Variants in NAV3 observed in about 807,000 individuals in gnomAD.
NAV3 encodes the protein neuron navigator 3.
Under a neutral mutation model 244.7 loss-of-function variants are expected in NAV3, and 87 were observed. The observed-to-expected ratio is 0.36, with a 90% CI of 0.30 to 0.42. NAV3 has a LOEUF of 0.42. Among genes scored for constraint, NAV3 ranks in the 20% least tolerant of loss-of-function variants. The pLI is 1.00. For synonymous variants in NAV3, 1,126 were observed against 1,042.2 expected (o/e 1.08, Z -1.55); for missense variants, 2,663 against 2,893.3 (o/e 0.92, Z 1.83).
chr12:78,140,683 G>C (rs1956570660), intron 20 of NAV3, among the ~76,000 whole-genome samples: 2 of 151,972 alleles, frequency 1.3e-5, no homozygotes, highest in Non-Finnish European at 2.9e-5. Flanking sequence ...AGTTGTCCAT[G>C]TTTTGTTCTT....
intron 23 of NAV3, among the ~76,000 whole-genome samples, chr12:78,165,432 A>G (rs1191216638): frequency 6.6e-6 from 1 of 151,944 alleles, no homozygotes; most frequent in African/African-American, 2.4e-5. Flanking sequence ...TTTTTTCTAA[A>G]TGATTAATGA....
At chr12:77,892,170 TATTA>T (rs1884013502) in intron 1 of NAV3, among the ~76,000 whole-genome samples, 1 of 152,208 alleles carries the variant, frequency 6.6e-6, no homozygotes, top group South Asian at 2.1e-4. Context: ...CTCATAAATT[TATTA>T]ATTGCTGAAA....
chr12:77,703,799 G>A (rs968269423), intron 2 of NAV3, among the ~76,000 whole-genome samples: 30 of 152,110 alleles, frequency 2.0e-4, no homozygotes, highest in African/African-American at 7.0e-4. Context: ...ATAAGATCCT[G>A]TCAGTAGAAG....
intron 1 of NAV3, among the ~76,000 whole-genome samples, chr12:77,920,024 T>G (rs1017332665): frequency 1.3e-5 from 2 of 152,040 alleles, no homozygotes; most frequent in African/African-American, 4.8e-5. Flanking sequence ...ATTGAAGCAA[T>G]ATTTATCAAC....
chr12:77,990,156 A>G (rs1280892016), intron 5 of NAV3, among the ~76,000 whole-genome samples: 2 of 152,248 alleles, frequency 1.3e-5, no homozygotes, highest in Admixed American at 1.3e-4. Context: ...AATCACTAAA[A>G]TAACAAGAAT....
chr12:78,136,302 A>G (rs1956372132), intron 18 of NAV3, among the ~76,000 whole-genome samples: 1 of 152,202 alleles, frequency 6.6e-6, no homozygotes, highest in Non-Finnish European at 1.5e-5. Context: ...GAGCATTTAG[A>G]ATATCTTTCT....
rs35997153 is a variant in NAV3, at chr12:78,050,980, G to A, written c.2349G>A (p.Thr783=). The stretch of plus-strand genomic sequence containing the variant: ...ACCCCTCGAGGTTCATGTATACCAC[G>A]CCTCTCCGTCGAGCTGCTGTCTCTA... The part of the protein sequence containing the change: ...HTDPSRFMYT[T]PLRRAAVSRL... Residue 783 remains threonine (T), a synonymous_variant, in exon 11 of 40, where the codon ACG becomes ACA. Transcript: ENST00000397909. 1.1e-3 allele frequency: 1,838 copies of A among 1,614,050 alleles called. 15 individuals carry two copies. The African/African-American group carries it at 0.021, about 18-fold the overall frequency.
chr12:77,772,321 A>G (rs1870134967), intron 2 of NAV3, among the ~76,000 whole-genome samples: 1 of 152,198 alleles, frequency 6.6e-6, no homozygotes. Context: ...TATTTCAAAT[A>G]AACAATAAAG....
chr12:78,116,292 G>A (rs895860), intron 12 of NAV3, among the ~76,000 whole-genome samples: 3 of 152,012 alleles, frequency 2.0e-5, no homozygotes, highest in Non-Finnish European at 4.4e-5. Flanking sequence ...TGAGACTCAT[G>A]CAATAAGACT....
intron 5 of NAV3, among the ~76,000 whole-genome samples, chr12:77,970,527 T>G (rs1160279753): frequency 5.3e-5 from 8 of 152,128 alleles, no homozygotes; most frequent in Admixed American, 5.2e-4. Flanking sequence ...TTAAATAAAT[T>G]TTAAAAAGCT....
chr12:77,717,750 C>T (rs1268811982), intron 2 of NAV3, among the ~76,000 whole-genome samples: 1 of 151,950 alleles, frequency 6.6e-6, no homozygotes, highest in African/African-American at 2.4e-5. Context: ...TACATCCTTA[C>T]CAATAAGTGT....
chr12:77,736,831 T>C (rs1319157863), intron 2 of NAV3, among the ~76,000 whole-genome samples: 1 of 152,156 alleles, frequency 6.6e-6, no homozygotes, highest in Admixed American at 6.5e-5. Flanking sequence ...GATGAACCCA[T>C]TGCATGAATT....
At chr12:77,706,870 C>T (rs1186960839) in intron 2 of NAV3, among the ~76,000 whole-genome samples, 44 of 68,016 alleles carry the variant, frequency 6.5e-4, no homozygotes, top group East Asian at 3.0e-3. Flanking sequence ...GACTCTGTTT[C>T]AAAAAAAAAA....
chr12:78,182,178 T>C (rs2139757533), intron 30 of NAV3, among the ~76,000 whole-genome samples: 1 of 152,196 alleles, frequency 6.6e-6, no homozygotes, highest in South Asian at 2.1e-4. Flanking sequence ...AAAATAAGAC[T>C]GTGGAAGTGG....
At chr12:78,044,251 T>C (rs1437803674) in intron 9 of NAV3, among the ~76,000 whole-genome samples, 1 of 152,020 alleles carries the variant, frequency 6.6e-6, no homozygotes, top group African/African-American at 2.4e-5. Flanking sequence ...AGATGTGTGG[T>C]GTTATTTCTG....
chr12:77,984,143 G>T (rs1316944430), intron 5 of NAV3, among the ~76,000 whole-genome samples: 1 of 152,176 alleles, frequency 6.6e-6, no homozygotes, highest in Non-Finnish European at 1.5e-5. Context: ...TGGGACTTAT[G>T]TTGTTGACTT....
intron 12 of NAV3, among the ~76,000 whole-genome samples, chr12:78,080,768 G>A (rs1415757198): frequency 2.0e-5 from 3 of 152,194 alleles, no homozygotes; most frequent in Admixed American, 6.5e-5. Context: ...GCTCTGTTTT[G>A]TGGAATAGAA....
At chr12:77,712,785 G>C (rs887650608) in intron 2 of NAV3, among the ~76,000 whole-genome samples, 1 of 152,182 alleles carries the variant, frequency 6.6e-6, no homozygotes, top group Admixed American at 6.5e-5. Context: ...ACCAGATTTT[G>C]TGTAGAAACA....
intron 11 of NAV3, among the ~76,000 whole-genome samples, chr12:78,056,575 A>G (rs1218568074): frequency 6.6e-6 from 1 of 152,094 alleles, no homozygotes; most frequent in Non-Finnish European, 1.5e-5. Flanking sequence ...CTAAAAATAC[A>G]AAAATTAGCT....
Sources: allele counts gnomAD v4.1 joint callset (sites outside exome capture counted in the v4.1 genomes callset), GRCh38; gene constraint gnomAD v4.1.1; transcripts MANE v1.5; gene names NCBI Gene and HGNC (gene_info 2026-07-23, HGNC 2026-07-21).